Variants in DCC observed in about 807,000 individuals in gnomAD.
DCC encodes DCC netrin 1 receptor.
Under a neutral mutation model 172.5 loss-of-function variants are expected in DCC, and 58 were observed. That is an observed-to-expected ratio of 0.34 (90% CI 0.27 to 0.42). The LOEUF (loss-of-function observed/expected upper bound fraction) is 0.42, where lower values mean the gene tolerates loss of function less well. Among genes scored for constraint, DCC ranks in the 10% least tolerant of loss-of-function variants. The pLI is 1.00. For missense variants in DCC, 1,740 were observed against 1,791.0 expected, an observed-to-expected ratio of 0.97 and a Z score of 0.51; for synonymous variants, 709 against 644.5, an observed-to-expected ratio of 1.10 and a Z score of -1.52.
At chr18:53,413,122 C>A (rs972103708) in intron 20 of DCC, among the ~76,000 whole-genome samples, 1 of 152,096 alleles carries the variant, frequency 6.6e-6, no homozygotes, top group Non-Finnish European at 1.5e-5. Flanking sequence ...GCTGGCCTAT[C>A]GGGTAATAGA....
intron 5 of DCC, among the ~76,000 whole-genome samples, chr18:52,973,893 G>T (rs549621419): frequency 6.6e-6 from 1 of 151,862 alleles, no homozygotes; most frequent in Non-Finnish European, 1.5e-5. Flanking sequence ...AATTTCATTC[G>T]GTAGATCAAA....
intron 21 of DCC, among the ~76,000 whole-genome samples, chr18:53,422,652 C>T (rs537168803): frequency 1.1e-4 from 17 of 152,278 alleles, no homozygotes; most frequent in African/African-American, 4.1e-4. Flanking sequence ...CATGAATAAA[C>T]AGAATGTTAA....
intron 19 of DCC, among the ~76,000 whole-genome samples, chr18:53,406,316 A>G (rs189588474): frequency 1.9e-3 from 289 of 152,084 alleles, no homozygotes; most frequent in African/African-American, 6.8e-3. Context: ...CTTCCACTTG[A>G]TATTGCTTTC....
intron 15 of DCC, among the ~76,000 whole-genome samples, chr18:53,358,118 G>A (rs1326658554): frequency 3.3e-5 from 5 of 152,028 alleles, no homozygotes; most frequent in Non-Finnish European, 5.9e-5. Flanking sequence ...TTCTAAATGT[G>A]AGTAGAATAT....
chr18:53,124,493 G>C (rs1183511386), intron 7 of DCC, among the ~76,000 whole-genome samples: 1 of 151,972 alleles, frequency 6.6e-6, no homozygotes, highest in African/African-American at 2.4e-5. Flanking sequence ...TGGAAAATTT[G>C]CCCCCTGCTT....
At chr18:52,919,550 A>G (rs2040088838) in intron 3 of DCC, among the ~76,000 whole-genome samples, 1 of 152,160 alleles carries the variant, frequency 6.6e-6, no homozygotes, top group Non-Finnish European at 1.5e-5. Flanking sequence ...TACGATGGTA[A>G]CAAACATCAC....
At chr18:52,806,942 C>T (rs150110269) in intron 2 of DCC, among the ~76,000 whole-genome samples, 1 of 152,254 alleles carries the variant, frequency 6.6e-6, no homozygotes, top group African/African-American at 2.4e-5. Flanking sequence ...CGCCTGTAAT[C>T]CCAGCACTTG....
intron 1 of DCC, among the ~76,000 whole-genome samples, chr18:52,565,598 T>C (rs2033142685): frequency 6.6e-6 from 1 of 152,236 alleles, no homozygotes. Context: ...CGAGTGATAA[T>C]GAGCTCTTTT....
chr18:52,590,422 A>T (rs1469012408), intron 1 of DCC, among the ~76,000 whole-genome samples: 2 of 152,238 alleles, frequency 1.3e-5, no homozygotes, highest in Non-Finnish European at 2.9e-5. Context: ...TAAAAAAAGT[A>T]TAAAAAACAT....
chr18:53,470,587 C>T (rs145215453), intron 25 of DCC, among the ~76,000 whole-genome samples: 77 of 152,266 alleles, frequency 5.1e-4, no homozygotes, highest in African/African-American at 1.8e-3. Context: ...GATACTACCT[C>T]AGACTGGGTA....
chr18:53,311,130 ATT>A (rs926473197), intron 13 of DCC, among the ~76,000 whole-genome samples: 13 of 36,554 alleles, frequency 3.6e-4, no homozygotes, highest in East Asian at 2.1e-3. Context: ...TTATTTATTT[ATT>A]TTTTTTGAGA....
rs763533078 is a variant in DCC, at chr18:53,410,433, C to T, written c.2936-19C>T. On this transcript the variant is annotated intron_variant, in intron 19 of 28. Transcript: ENST00000442544. ...GCGTGTAGGACACCAAATTAAGTCA[C>T]ATTTGTCTATTTATGCAGCTTACAT... 50 of 1,536,152 alleles carry T rather than the reference C, an allele frequency of 3.3e-5. No individual in the cohort carries two copies. The Middle Eastern group carries it at 1.4e-3, about 42-fold the overall frequency.
intron 12 of DCC, among the ~76,000 whole-genome samples, chr18:53,224,639 G>C (rs2144600239): frequency 6.6e-6 from 1 of 152,232 alleles, no homozygotes; most frequent in East Asian, 1.9e-4. Context: ...GAGGGAAGTA[G>C]AAACAATCAG....
chr18:52,756,540 C>T (rs1338125250), intron 2 of DCC, among the ~76,000 whole-genome samples: 1 of 152,150 alleles, frequency 6.6e-6, no homozygotes, highest in South Asian at 2.1e-4. Flanking sequence ...CTTTATATCT[C>T]AATAGCCTAC....
intron 2 of DCC, among the ~76,000 whole-genome samples, chr18:52,753,574 C>T (rs2037032699): frequency 1.3e-5 from 2 of 152,176 alleles, no homozygotes; most frequent in Admixed American, 6.5e-5. Context: ...ATTATAGTGG[C>T]ATGGCCTACA....
In DCC at chr18:53,446,115, CAAAAAAAAA is replaced by C. The variant is rs1568136897; in HGVS notation, c.3230-4384_3230-4376del. Among the ~76,000 whole-genome samples, 375 of 109,926 alleles carry C rather than the reference CAAAAAAAAA, an allele frequency of 3.4e-3. 8 individuals carry two copies. The highest frequency in any genetic ancestry group is 0.012 in the African/African-American group (332 of 26,870). 72.1% of individuals were successfully genotyped at this position (109,926 alleles called of 152,430 possible). On this transcript the variant is annotated intron_variant, in intron 22 of 28. Coordinates refer to ENST00000442544, the MANE Select transcript of DCC (RefSeq NM_005215.4). ...TGTCTCTACAAAAAAAAAAAAAAAA[CAAAAAAAAA>C]CACTTAAAAATTTTCCAGGGATGGT...
At chr18:53,233,169 A>G (rs1278054949) in intron 12 of DCC, among the ~76,000 whole-genome samples, 1 of 152,148 alleles carries the variant, frequency 6.6e-6, no homozygotes, top group Non-Finnish European at 1.5e-5. Flanking sequence ...AAAAGCATAG[A>G]TATGAATGAC....
At chr18:53,363,746 A>G (rs2057973264) in intron 15 of DCC, among the ~76,000 whole-genome samples, 1 of 152,146 alleles carries the variant, frequency 6.6e-6, no homozygotes, top group Non-Finnish European at 1.5e-5. Context: ...GGTTTTTCAA[A>G]TATATTGAAT....
chr18:52,718,671 A>T (rs1214599226), intron 1 of DCC, among the ~76,000 whole-genome samples: 1 of 152,188 alleles, frequency 6.6e-6, no homozygotes, highest in African/African-American at 2.4e-5. Context: ...TGCTCTGCAG[A>T]GGCTGCTTAT....
Sources: allele counts gnomAD v4.1 joint callset (sites outside exome capture counted in the v4.1 genomes callset), GRCh38; gene constraint gnomAD v4.1.1; transcripts MANE v1.5; gene names NCBI Gene and HGNC (gene_info 2026-07-23, HGNC 2026-07-21).